The following PLCXD3 variants were observed in gnomAD, a reference collection of about 807,000 sequenced individuals.
PLCXD3 encodes the protein phosphatidylinositol specific phospholipase C X domain containing 3.
A neutral mutation model predicts 25.5 loss-of-function variants in PLCXD3; 19 were observed. That is an observed-to-expected ratio of 0.75 (90% confidence interval 0.52 to 1.09). PLCXD3 has a LOEUF of 1.09. PLCXD3 is among the 50% of genes least tolerant of loss of function. PLCXD3 has a pLI of 0.00. For missense variants in PLCXD3, 411 were observed against 388.1 expected, an observed-to-expected ratio of 1.06 and a Z score of -0.50; for synonymous variants, 174 against 137.6, an observed-to-expected ratio of 1.26 and a Z score of -1.85.
At chr5:41,404,841 C>T (rs1323730204) in intron 1 of PLCXD3, among the ~76,000 whole-genome samples, 1 of 152,138 alleles carries the variant, frequency 6.6e-6, no homozygotes, top group Admixed American at 6.6e-5. Flanking sequence ...ACCCTTCAGA[C>T]CAAGAAGGCC....
intron 1 of PLCXD3, among the ~76,000 whole-genome samples, chr5:41,491,628 T>G (rs917538689): frequency 3.3e-5 from 5 of 152,114 alleles, no homozygotes; most frequent in Non-Finnish European, 7.4e-5. Context: ...CTGTGTTGGG[T>G]GCATATATAT....
intron 1 of PLCXD3, among the ~76,000 whole-genome samples, chr5:41,395,070 T>C (rs909805411): frequency 6.6e-6 from 1 of 152,150 alleles, no homozygotes; most frequent in Non-Finnish European, 1.5e-5. Flanking sequence ...TATCATATAT[T>C]AGGTCATGAA....
intron 1 of PLCXD3, among the ~76,000 whole-genome samples, chr5:41,432,017 G>A (rs1445440473): frequency 1.3e-5 from 2 of 152,122 alleles, no homozygotes; most frequent in African/African-American, 4.8e-5. Context: ...TGAGAAGAAT[G>A]GAGGAGACAG....
At chr5:41,438,146 G>C (rs534566102) in intron 1 of PLCXD3, among the ~76,000 whole-genome samples, 43 of 152,304 alleles carry the variant, frequency 2.8e-4, no homozygotes, top group African/African-American at 1.0e-3. Context: ...TGCCTAAGTA[G>C]AGAAAAACTG....
chr5:41,440,057 C>A (rs1040131117), intron 1 of PLCXD3, among the ~76,000 whole-genome samples: 1 of 151,850 alleles, frequency 6.6e-6, no homozygotes, highest in African/African-American at 2.4e-5. Flanking sequence ...GGAACATGGG[C>A]CTGACTTGTA....
At position 41,348,506 on chromosome 5, in the gene PLCXD3, T is replaced by C. The variant is rs781321046; in HGVS notation, c.812+33320A>G. On this transcript the variant is annotated intron_variant, in intron 2 of 2. Transcript: ENST00000377801. Reference sequence around the variant, plus strand: ...TAGCACTCTAGCTTAACTAGTTAATTAACAAGACAAGGAAGCTTGTGCAAA... The same window carrying C: ...TAGCACTCTAGCTTAACTAGTTAATCAACAAGACAAGGAAGCTTGTGCAAA... Among the ~76,000 whole-genome samples, 57 of 152,296 alleles carry C rather than the reference T, an allele frequency of 3.7e-4. No individual in the cohort carries two copies. In the Middle Eastern group the frequency reaches 0.01, roughly 27 times the overall value.
chr5:41,446,886 C>T (rs1031953487), intron 1 of PLCXD3, among the ~76,000 whole-genome samples: 8 of 152,178 alleles, frequency 5.3e-5, no homozygotes, highest in Non-Finnish European at 7.3e-5. Flanking sequence ...TTTAGATACC[C>T]GTCTTCTAGA....
intron 1 of PLCXD3, among the ~76,000 whole-genome samples, chr5:41,467,444 G>T (rs1201404830): frequency 2.0e-5 from 3 of 151,328 alleles, no homozygotes; most frequent in Admixed American, 2.0e-4. Context: ...TTATTTTTTT[G>T]GATATTAACC....
intron 1 of PLCXD3, among the ~76,000 whole-genome samples, chr5:41,454,017 A>G (rs1190174127): frequency 6.6e-6 from 1 of 151,908 alleles, no homozygotes; most frequent in Non-Finnish European, 1.5e-5. Context: ...ATGGATTTAG[A>G]CCTCCCAGGA....
chr5:41,484,261 A>G (rs1252101290), intron 1 of PLCXD3, among the ~76,000 whole-genome samples: 2 of 133,958 alleles, frequency 1.5e-5, no homozygotes, highest in Non-Finnish European at 3.1e-5. Flanking sequence ...ACACACACAC[A>G]CACACACACA....
chr5:41,494,460 C>A (rs528026752), intron 1 of PLCXD3, among the ~76,000 whole-genome samples: 1 of 152,162 alleles, frequency 6.6e-6, no homozygotes, highest in East Asian at 1.9e-4. Flanking sequence ...AGAATTTATT[C>A]CTTGAGTGGT....
At chr5:41,409,700 G>C (rs992242631) in intron 1 of PLCXD3, among the ~76,000 whole-genome samples, 12 of 152,174 alleles carry the variant, frequency 7.9e-5, no homozygotes, top group African/African-American at 2.4e-4. Context: ...TCGCTATTGT[G>C]CCCTCAACAA....
Position 41,408,403 on chromosome 5 carries a change from A to G in PLCXD3, c.104-25869T>C, listed in dbSNP as rs564559125. Among the ~76,000 whole-genome samples, 4 of 152,258 alleles carry G rather than the reference A, an allele frequency of 2.6e-5. No homozygotes were observed. In the East Asian group the frequency reaches 7.7e-4, roughly 29 times the overall value. ...TTTTCTGACACATACACACATATGC[A>G]TATACACAAACACACATACATGTTG... On this transcript the variant is annotated intron_variant, in intron 1 of 2. Transcript: ENST00000377801.
chr5:41,506,829 G>A (rs1749059964), intron 1 of PLCXD3, among the ~76,000 whole-genome samples: 1 of 152,180 alleles, frequency 6.6e-6, no homozygotes, highest in Non-Finnish European at 1.5e-5. Context: ...AAGCGTTTCT[G>A]TGTTCCTTAT....
At chr5:41,316,335 G>A (rs564767599) in intron 2 of PLCXD3, among the ~76,000 whole-genome samples, 5 of 152,186 alleles carry the variant, frequency 3.3e-5, no homozygotes, top group Non-Finnish European at 5.9e-5. Flanking sequence ...AAGAGCCCTT[G>A]GCCCCAGATA....
intron 1 of PLCXD3, among the ~76,000 whole-genome samples, chr5:41,473,738 G>A (rs1249048192): frequency 1.3e-5 from 2 of 152,082 alleles, no homozygotes; most frequent in Non-Finnish European, 2.9e-5. Flanking sequence ...TCACAGGCGT[G>A]AGCCACCACA....
chr5:41,318,878 T>C (rs1743377333), intron 2 of PLCXD3, among the ~76,000 whole-genome samples: 1 of 151,874 alleles, frequency 6.6e-6, no homozygotes, highest in African/African-American at 2.4e-5. Flanking sequence ...AAGACACACA[T>C]AGACCGAAAA....
At chr5:41,501,278 G>A (rs564724196) in intron 1 of PLCXD3, among the ~76,000 whole-genome samples, 28 of 151,982 alleles carry the variant, frequency 1.8e-4, no homozygotes, top group Non-Finnish European at 3.8e-4. Flanking sequence ...CTTCAGTATC[G>A]TTCACAATCA....
rs1743199235 is a variant in PLCXD3 at position 41,313,475 on chromosome 5, GT to G, written c.*141del. The G allele has an allele frequency of 1.1e-6, 1 of 877,544 alleles. No individual in the cohort carries two copies. Among genetic ancestry groups the G allele is most frequent in the Non-Finnish European group, 1.7e-6 (1 of 582,694 alleles). The allele number at this position is 877,544 out of a possible 1,614,324, so 54.4% of individuals were successfully genotyped here. A position where few individuals can be genotyped will look rare whatever the true frequency, so the allele number is the denominator to read the frequency against. ...TATGATTGTAATCACTGAAGAAACA[GT>G]TTTTCCCCTTTTCCCACCCACTACC... On this transcript the variant is annotated 3_prime_UTR_variant, in exon 3 of 3. Coordinates refer to ENST00000377801, the MANE Select transcript of PLCXD3 (RefSeq NM_001005473.3).
Sources: allele counts gnomAD v4.1 joint callset (sites outside exome capture counted in the v4.1 genomes callset), GRCh38; gene constraint gnomAD v4.1.1; transcripts MANE v1.5; gene names NCBI Gene and HGNC (gene_info 2026-07-23, HGNC 2026-07-21).